Variants in PPFIA2 observed in about 807,000 individuals in gnomAD.
PPFIA2 encodes the protein PPFI scaffold protein A2, also known as liprin-alpha-2.
Under a neutral mutation model 175.5 loss-of-function variants are expected in PPFIA2, and 46 were observed. The ratio of observed to expected loss-of-function variants is 0.26; its 90% CI spans 0.21 to 0.34. The LOEUF (loss-of-function observed/expected upper bound fraction) is 0.34, where lower values mean the gene tolerates loss of function less well. Ranked by LOEUF, PPFIA2 falls within the 10% of genes least tolerant of loss-of-function variation. The pLI, the probability that PPFIA2 is intolerant of heterozygous loss-of-function variation, is 1.00. For missense variants in PPFIA2, 1,179 were observed against 1,506.1 expected (o/e 0.78, Z 3.60); for synonymous variants, 568 against 511.4 (o/e 1.11, Z -1.49).
chr12:81,751,264 C>T (rs1279492995), intron 3 of PPFIA2, among the ~76,000 whole-genome samples: 1 of 151,978 alleles, frequency 6.6e-6, no homozygotes, highest in Non-Finnish European at 1.5e-5. Flanking sequence ...TAGAATGGAA[C>T]TATAGCCATC....
chr12:81,380,320 CACT>C (rs2141880520), intron 9 of PPFIA2, among the ~76,000 whole-genome samples: 1 of 152,230 alleles, frequency 6.6e-6, no homozygotes, highest in Admixed American at 6.5e-5. Context: ...GAGCTGAAAA[CACT>C]ACTGCACTTC....
chr12:81,534,967 G>A lies in PPFIA2; in HGVS notation c.304-77101C>T, dbSNP rs148205376. On this transcript the variant is annotated intron_variant, in intron 4 of 32. Transcript: ENST00000549396. ...TTCCTGCTTCCCCCAGTACAGTCCC[G>A]GCAAGTTCTAACGTCTTCAGAGAAG... Among the ~76,000 whole-genome samples, 631 of 151,712 alleles carry A rather than the reference G, an allele frequency of 4.2e-3. 7 individuals carry two copies. Among genetic ancestry groups the A allele is most frequent in the African/African-American group, 0.014 (589 of 41,460 alleles).
intron 30 of PPFIA2, among the ~76,000 whole-genome samples, chr12:81,263,765 G>C (rs533859901): frequency 2.0e-5 from 3 of 152,240 alleles, no homozygotes; most frequent in African/African-American, 4.8e-5. Context: ...ATCAGTTGTT[G>C]AGTAGACTAC....
Position 81,361,701 on chromosome 12 carries a change from G to A in PPFIA2, c.1637+992C>T, listed in dbSNP as rs189928327. ...TATCTTGAGAGCATACTATATGCAA[G>A]ATAGTTTTTTAGGTGTTGAGATTAT... On this transcript the variant is annotated intron_variant, in intron 15 of 32. Coordinates refer to ENST00000549396, the MANE Select transcript of PPFIA2 (RefSeq NM_003625.5). Among the ~76,000 whole-genome samples the A allele has an allele frequency of 3.7e-4, 56 of 151,622 alleles. 1 individual carries two copies. The highest frequency in any genetic ancestry group is 7.4e-5 in the Non-Finnish European group (5 of 67,650).
At chr12:81,354,646 T>C (rs914661957) in intron 16 of PPFIA2, among the ~76,000 whole-genome samples, 26 of 149,114 alleles carry the variant, frequency 1.7e-4, no homozygotes, top group Middle Eastern at 3.4e-3. Flanking sequence ...CTTATTAAGG[T>C]TGATTTTTTT....
intron 4 of PPFIA2, among the ~76,000 whole-genome samples, chr12:81,605,654 T>G (rs977863351): frequency 7.0e-4 from 73 of 104,052 alleles, no homozygotes; most frequent in African/African-American, 3.0e-3. Flanking sequence ...CATCCAGCTA[T>G]CTATCTATCT....
chr12:81,267,198 C>CTTTTT, intron 29 of PPFIA2, 178 bp from the exon 30 acceptor site: 2 of 484,796 alleles, frequency 4.1e-6, no homozygotes, highest in South Asian at 2.0e-5. Context: ...AAAAACAGGG[C>CTTTTT]TTTTTTTTTT....
chr12:81,390,940 T>C (rs1289842262), intron 8 of PPFIA2, among the ~76,000 whole-genome samples: 4 of 151,762 alleles, frequency 2.6e-5, no homozygotes, highest in Admixed American at 6.6e-5. Flanking sequence ...TACAATGGTG[T>C]CTCATATGTT....
intron 4 of PPFIA2, among the ~76,000 whole-genome samples, chr12:81,591,579 A>G (rs1922398): frequency 0.89 from 134,692 of 152,106 alleles, 59,763 homozygotes; most frequent in East Asian, 1. Context: ...TCTGCTATGT[A>G]CAGTCTAGGG....
At chr12:81,627,823 T>C (rs2062899618) in intron 4 of PPFIA2, among the ~76,000 whole-genome samples, 1 of 152,128 alleles carries the variant, frequency 6.6e-6, no homozygotes, top group Non-Finnish European at 1.5e-5. Flanking sequence ...AAACATTGTA[T>C]GTCTTTTTTT....
chr12:81,473,735 T>C (rs1363626553), intron 4 of PPFIA2, among the ~76,000 whole-genome samples: 1 of 152,172 alleles, frequency 6.6e-6, no homozygotes, highest in East Asian at 1.9e-4. Context: ...TAGATCATAG[T>C]CCAAGTTAGA....
At chr12:81,633,951 C>T (rs1334252645) in intron 4 of PPFIA2, among the ~76,000 whole-genome samples, 1 of 152,030 alleles carries the variant, frequency 6.6e-6, no homozygotes, top group African/African-American at 2.4e-5. Flanking sequence ...TCAGACAATG[C>T]TTTGGCAATG....
chr12:81,567,218 CT>C (rs1177641608), intron 4 of PPFIA2, among the ~76,000 whole-genome samples: 1 of 151,846 alleles, frequency 6.6e-6, no homozygotes, highest in Non-Finnish European at 1.5e-5. Context: ...TGGCTAATTT[CT>C]TTTGTATTTT....
At chr12:81,378,143 G>C (rs1370338865) in intron 9 of PPFIA2, 1 of 152,082 alleles carries the variant, frequency 6.6e-6, no homozygotes, top group Non-Finnish European at 1.5e-5. Flanking sequence ...AATCTCACTA[G>C]AGCCTTCAGA....
At chr12:81,704,333 G>A (rs2076846763) in intron 3 of PPFIA2, among the ~76,000 whole-genome samples, 1 of 152,204 alleles carries the variant, frequency 6.6e-6, no homozygotes, top group Middle Eastern at 3.4e-3. Context: ...CCTATTCTGT[G>A]CCCAAAATAC....
chr12:81,677,603 A>G (rs2072794896), intron 3 of PPFIA2, among the ~76,000 whole-genome samples: 1 of 151,796 alleles, frequency 6.6e-6, no homozygotes, highest in Non-Finnish European at 1.5e-5. Flanking sequence ...GGTGACATTT[A>G]TCTTTTTGTG....
chr12:81,624,960 C>T (rs557082121), intron 4 of PPFIA2, among the ~76,000 whole-genome samples: 178 of 151,700 alleles, frequency 1.2e-3, no homozygotes, highest in Non-Finnish European at 1.4e-3. Context: ...TCCACTTGCA[C>T]CCCAAAAACT....
At chr12:81,346,956 A>T (rs900903974) in intron 18 of PPFIA2, among the ~76,000 whole-genome samples, 1 of 151,770 alleles carries the variant, frequency 6.6e-6, no homozygotes, top group Non-Finnish European at 1.5e-5. Context: ...TCAAGAAGGA[A>T]TCTCACTCTG....
At chr12:81,550,682 G>T (rs938148138) in intron 4 of PPFIA2, among the ~76,000 whole-genome samples, 3 of 151,892 alleles carry the variant, frequency 2.0e-5, no homozygotes, top group African/African-American at 7.2e-5. Context: ...GTGCATAGGG[G>T]ATGTTGAGGT....
Sources: allele counts gnomAD v4.1 joint callset (sites outside exome capture counted in the v4.1 genomes callset), GRCh38; gene constraint gnomAD v4.1.1; transcripts MANE v1.5; gene names NCBI Gene and HGNC (gene_info 2026-07-23, HGNC 2026-07-21).